The following TGFBR2 variants were observed in gnomAD, a reference collection of about 807,000 sequenced individuals.
TGFBR2 encodes TGF-beta receptor type-2.
Under a neutral mutation model 49.0 loss-of-function variants are expected in TGFBR2, and 18 were observed. The observed-to-expected ratio is 0.37, with a 90% CI of 0.25 to 0.54. The LOEUF (loss-of-function observed/expected upper bound fraction) is 0.54. TGFBR2 is among the 20% of genes least tolerant of loss of function. The pLI is 0.85. For missense variants in TGFBR2, 525 were observed against 722.6 expected, an observed-to-expected ratio of 0.73 and a Z score of 3.13; for synonymous variants, 282 against 275.9, an observed-to-expected ratio of 1.02 and a Z score of -0.22.
intron 3 of TGFBR2, among the ~76,000 whole-genome samples, chr3:30,658,399 T>C (rs76773737): frequency 0.045 from 6,824 of 152,320 alleles, 508 homozygotes; most frequent in African/African-American, 0.15. Flanking sequence ...TTTTTTGTTG[T>C]TGTCGTTGTT....
chr3:30,620,644 T>A (rs1300279859), intron 1 of TGFBR2, among the ~76,000 whole-genome samples: 3 of 152,110 alleles, frequency 2.0e-5, no homozygotes, highest in African/African-American at 7.2e-5. Flanking sequence ...CTCTCATGTG[T>A]GAATCTTTTG....
At chr3:30,633,184 A>T (rs1698468526) in intron 1 of TGFBR2, among the ~76,000 whole-genome samples, 1 of 152,212 alleles carries the variant, frequency 6.6e-6, no homozygotes, top group Non-Finnish European at 1.5e-5. Context: ...ATGATATGAT[A>T]AGTTATTTCA....
intron 1 of TGFBR2, among the ~76,000 whole-genome samples, chr3:30,608,180 G>A (rs568159949): frequency 2.0e-5 from 3 of 151,820 alleles, no homozygotes; most frequent in Non-Finnish European, 4.4e-5. Flanking sequence ...CTCGTGATCC[G>A]CCCACCTTGG....
chr3:30,632,788 G>T (rs1014356670), intron 1 of TGFBR2, among the ~76,000 whole-genome samples: 1 of 152,138 alleles, frequency 6.6e-6, no homozygotes, highest in African/African-American at 2.4e-5. Flanking sequence ...TACATGGGAC[G>T]ATTTCATAAA....
intron 2 of TGFBR2, among the ~76,000 whole-genome samples, chr3:30,648,391 C>G (rs961547472): frequency 1.4e-5 from 2 of 146,536 alleles, no homozygotes; most frequent in Non-Finnish European, 3.0e-5. Context: ...AGCATACCTT[C>G]GTTTTATTAC....
In TGFBR2 at chr3:30,672,169, C is replaced by T. The variant is rs376752333; in HGVS notation, c.986C>T (p.Ala329Val). 9 of 1,614,022 alleles carry T rather than the reference C, an allele frequency of 5.6e-6. No homozygotes were observed. In the Admixed American group the frequency reaches 1.0e-4, roughly 18 times the overall value. The change falls in exon 4 of 7, where the codon GCC (alanine) becomes GTC (valine). Residue 329 changes from alanine to valine, a missense_variant. By Grantham distance (64) the Ala-to-Val change is moderately conservative. Transcript: ENST00000295754. The surrounding 1 kb of genome is among the most constrained non-coding windows in gnomAD (Gnocchi z 4.5). ...TACTGGCTGATCACCGCCTTCCACG[C>T]CAAGGGCAACCTACAGGAGTACCTG... ...KQYWLITAFH[A>V]KGNLQEYLTR...
In TGFBR2 at chr3:30,650,319, A is replaced by G. The variant is rs2125410043; in HGVS notation, c.313A>G (p.Lys105Glu). 1 of 1,613,906 alleles carries G rather than the reference A, an allele frequency of 6.2e-7. No individual in the cohort carries two copies. Among genetic ancestry groups the G allele is most frequent in the Non-Finnish European group, 8.5e-7 (1 of 1,179,930 alleles). Reference sequence around the variant, plus strand: ...ACTAGAGACAGTTTGCCATGACCCCAAGCTCCCCTACCATGACTTTATTCT... The same window carrying G: ...ACTAGAGACAGTTTGCCATGACCCCGAGCTCCCCTACCATGACTTTATTCT... Reference protein sequence around the residue: ...ITLETVCHDPKLPYHDFILED... With the variant: ...ITLETVCHDPELPYHDFILED... The change falls in exon 3 of 7, where the codon AAG becomes GAG. Residue 105 changes from lysine (K) to glutamate (E), a missense_variant. This residue lies in a region of TGFBR2 where 376 missense variants were observed against 478.2 expected (regional missense o/e 0.79). Coordinates refer to ENST00000295754, the MANE Select transcript of TGFBR2 (RefSeq NM_003242.6).
chr3:30,682,810 C>T (rs541856046), intron 5 of TGFBR2, among the ~76,000 whole-genome samples: 42 of 152,282 alleles, frequency 2.8e-4, no homozygotes, highest in Middle Eastern at 6.8e-3. Flanking sequence ...AACCACCCAG[C>T]AGATCCCATA....
chr3:30,681,418 C>T (rs1271337150), intron 5 of TGFBR2, among the ~76,000 whole-genome samples: 2 of 152,142 alleles, frequency 1.3e-5, no homozygotes, highest in South Asian at 2.1e-4. Flanking sequence ...AGCAGCTGTG[C>T]ACCAGATGCT....
At chr3:30,686,346 G>A (rs17412863) in intron 5 of TGFBR2, among the ~76,000 whole-genome samples, 2,975 of 152,236 alleles carry the variant, frequency 0.02, 219 homozygotes, top group Admixed American at 0.14. Context: ...TCTCACCCAA[G>A]AGCAATGTGG....
chr3:30,682,890 T>G (rs1699562045), intron 5 of TGFBR2, among the ~76,000 whole-genome samples: 1 of 152,214 alleles, frequency 6.6e-6, no homozygotes, highest in African/African-American at 2.4e-5. Flanking sequence ...ACTTGTCACA[T>G]TTGGGAAGGG....
chr3:30,638,004 CTTA>C (rs1368768901), intron 1 of TGFBR2, among the ~76,000 whole-genome samples: 5 of 152,288 alleles, frequency 3.3e-5, no homozygotes, highest in African/African-American at 9.6e-5. Context: ...TGTTATCTGA[CTTA>C]TTGATCTTTT....
At chr3:30,660,720 G>T (rs34033344) in intron 3 of TGFBR2, among the ~76,000 whole-genome samples, 21,500 of 152,222 alleles carry the variant, frequency 0.14, 1,825 homozygotes, top group East Asian at 0.37. Context: ...ACAAGCAATT[G>T]CTTTGGAACA....
chr3:30,652,538 G>A (rs767533582), intron 3 of TGFBR2, among the ~76,000 whole-genome samples: 4 of 152,080 alleles, frequency 2.6e-5, no homozygotes, highest in Non-Finnish European at 5.9e-5. Context: ...TTGGCCTCAT[G>A]TTCTTTATGT....
chr3:30,651,986 A>T (rs185422938), intron 3 of TGFBR2, among the ~76,000 whole-genome samples: 10 of 152,294 alleles, frequency 6.6e-5, no homozygotes, highest in African/African-American at 2.4e-4. Flanking sequence ...GCGAGAAGCT[A>T]TGTGTCCTCG....
intron 1 of TGFBR2, among the ~76,000 whole-genome samples, chr3:30,640,686 T>C (rs1415654730): frequency 1.3e-5 from 2 of 152,172 alleles, no homozygotes; most frequent in Non-Finnish European, 2.9e-5. Flanking sequence ...CCACGGTTGA[T>C]GGAAACCGCA....
rs1032078778 is a variant in TGFBR2 at position 30,692,662 on chromosome 3, G to A, written c.*1063G>A. On this transcript the variant is annotated 3_prime_UTR_variant, in exon 7 of 7. Transcript: ENST00000295754. ...AACACCAATGGGTTCCATCTTTCTG[G>A]GCTCCTGATTGCTCAAGCACAGTTT... The A allele has an allele frequency of 3.0e-5, 7 of 232,950 alleles. No individual in the cohort carries two copies. The highest frequency in any genetic ancestry group is 1.5e-4 in the African/African-American group (7 of 45,272). The allele number at this position is 232,950 out of a possible 1,614,324, so 14.4% of individuals were successfully genotyped here. A position where few individuals can be genotyped will look rare whatever the true frequency, so the allele number is the denominator to read the frequency against.
chr3:30,643,235 C>G (rs1401750215), intron 1 of TGFBR2, among the ~76,000 whole-genome samples: 3 of 152,170 alleles, frequency 2.0e-5, no homozygotes, highest in African/African-American at 7.2e-5. Flanking sequence ...AGGGTTATGC[C>G]TTGGAAAAGT....
intron 1 of TGFBR2, among the ~76,000 whole-genome samples, chr3:30,619,057 T>C (rs553123254): frequency 6.6e-6 from 1 of 152,146 alleles, no homozygotes; most frequent in Middle Eastern, 3.4e-3. Context: ...ATTTTCTGAC[T>C]TTTTTTTCTT....
Sources: gnomAD v4.1 joint callset for allele counts (sites outside exome capture counted in the v4.1 genomes callset) on GRCh38, gnomAD v4.1.1 for gene constraint, gnomAD v4.1.1 regional missense constraint, Gnocchi (gnomAD v3.1) non-coding constraint, MANE v1.5 for transcripts, NCBI Gene and HGNC (gene_info 2026-07-23, HGNC 2026-07-21) for gene names.